CA13: variants seen among roughly 807,000 people sequenced by gnomAD.
CA13 encodes carbonic anhydrase 13.
A neutral mutation model predicts 31.5 loss-of-function variants in CA13; 21 were observed. The ratio of observed to expected loss-of-function variants is 0.67; its 90% CI spans 0.47 to 0.96. The LOEUF is 0.96. Ranked by LOEUF, CA13 falls within the 40% of genes least tolerant of loss-of-function variation. The probability of loss-of-function intolerance (pLI) is 0.00; values close to 1 mark genes in which losing one functional copy is unlikely to be tolerated. For synonymous variants in CA13, 117 were observed against 111.4 expected, an observed-to-expected ratio of 1.05 and a Z score of -0.32; for missense variants, 315 against 318.9, an observed-to-expected ratio of 0.99 and a Z score of 0.09.
chr8:85,253,026 A>T (rs946537087), intron 2 of CA13, among the ~76,000 whole-genome samples: 3 of 151,498 alleles, frequency 2.0e-5, no homozygotes, highest in Non-Finnish European at 4.4e-5. Flanking sequence ...GCTCACCGCA[A>T]CCTCTGCCTT....
intron 6 of CA13, 52 bp from the exon 7 acceptor site, chr8:85,281,178 T>G: frequency 7.5e-6 from 12 of 1,593,730 alleles, no homozygotes; most frequent in Middle Eastern, 3.3e-4. Flanking sequence ...GGTAATTCAT[T>G]AATATTGGTG....
chr8:85,267,936 C>T lies in CA13; in HGVS notation c.485C>T (p.Thr162Ile), dbSNP rs781517647. 48 of 1,595,980 alleles carry T rather than the reference C, an allele frequency of 3.0e-5. No individual in the cohort carries two copies. Among genetic ancestry groups the T allele is most frequent in the Middle Eastern group, 1.7e-4 (1 of 6,040 alleles). Residue 162 changes from threonine (T) to isoleucine (I), a missense_variant, in exon 5 of 7, where the codon ACT becomes ATT. Thr to Ile is a moderately conservative substitution (Grantham distance 89, BLOSUM62 -1). Transcript: ENST00000321764. The part of the protein sequence containing the change: ...GEPNSQLQKI[T>I]DTLDSIKEKG... ...CCTAATTCCCAACTGCAAAAGATTA[C>T]TGACACTTTGGATTCCATTAAAGAA...
chr8:85,259,192 G>A (rs1807344343), intron 2 of CA13, among the ~76,000 whole-genome samples: 2 of 152,024 alleles, frequency 1.3e-5, no homozygotes, highest in East Asian at 1.9e-4. Flanking sequence ...GATTTCCCAG[G>A]TGTTCCATAA....
chr8:85,264,332 G>A (rs1395060793), intron 3 of CA13, among the ~76,000 whole-genome samples: 1 of 152,176 alleles, frequency 6.6e-6, no homozygotes, highest in Middle Eastern at 3.2e-3. Flanking sequence ...TTAGAAATTA[G>A]TTGCCAGTAG....
At chr8:85,256,164 G>A (rs926199629) in intron 2 of CA13, among the ~76,000 whole-genome samples, 7 of 151,946 alleles carry the variant, frequency 4.6e-5, no homozygotes, top group Non-Finnish European at 8.8e-5. Context: ...AATATTTGCC[G>A]TTTAACACTT....
intron 3 of CA13, among the ~76,000 whole-genome samples, chr8:85,262,779 G>A (rs926886364): frequency 6.6e-6 from 1 of 152,152 alleles, no homozygotes; most frequent in Non-Finnish European, 1.5e-5. Context: ...TGAGAGTGCA[G>A]GTAGAGGCTG....
chr8:85,245,935 G>T (rs1813718785), intron 1 of CA13, 70 bp downstream of exon 1: 19 of 1,567,288 alleles, frequency 1.2e-5, no homozygotes, highest in Non-Finnish European at 1.7e-5. Context: ...ACGCCCCGGC[G>T]CTCGCTGACC....
At chr8:85,269,076 G>C (rs1256927435) in intron 6 of CA13, among the ~76,000 whole-genome samples, 1 of 152,182 alleles carries the variant, frequency 6.6e-6, no homozygotes, top group African/African-American at 2.4e-5. Flanking sequence ...AGTGAAACTT[G>C]AGGACAGTGA....
intron 2 of CA13, among the ~76,000 whole-genome samples, chr8:85,258,186 C>T (rs966059754): frequency 5.9e-5 from 9 of 151,760 alleles, no homozygotes; most frequent in Non-Finnish European, 4.4e-5. Flanking sequence ...AATTTAATAA[C>T]GCTTATGGTA....
intron 2 of CA13, among the ~76,000 whole-genome samples, chr8:85,258,626 A>G (rs1807333820): frequency 6.6e-6 from 1 of 151,850 alleles, no homozygotes; most frequent in Admixed American, 6.6e-5. Flanking sequence ...TTACACTTGG[A>G]AGATAAAGCT....
Position 85,281,687 on chromosome 8 carries a change from A to T in CA13, c.*338A>T, listed in dbSNP as rs908024409. 7.3e-5 allele frequency: 13 copies of T among 177,710 alleles called. No homozygotes were observed. The highest frequency in any genetic ancestry group is 1.7e-4 in the South Asian group (1 of 5,740). 11.0% of individuals were successfully genotyped at this position (177,710 alleles called of 1,614,324 possible). A position where few individuals can be genotyped will look rare whatever the true frequency, so the allele number is the denominator to read the frequency against. On this transcript the variant is annotated 3_prime_UTR_variant, in exon 7 of 7. Transcript: ENST00000321764. ...ACAAGCATGCCTGGCTAATTTTTAA[A>T]TTTTTTTTTTTTAAGAAATAGGGTC...
At chr8:85,272,280 G>A (rs994684531) in intron 6 of CA13, among the ~76,000 whole-genome samples, 11 of 151,974 alleles carry the variant, frequency 7.2e-5, no homozygotes, top group African/African-American at 2.7e-4. Flanking sequence ...TCCTGAGACA[G>A]AGTCTGGCTC....
rs545319391 is a variant in CA13, at chr8:85,268,456, C to A, written c.514-16C>A. Reference sequence around the variant, plus strand: ...TATCCCATTGTAATTTGTGGGAATTCTTTTTGATCCTCCAGGGTAAACAAA... The same window carrying A: ...TATCCCATTGTAATTTGTGGGAATTATTTTTGATCCTCCAGGGTAAACAAA... On this transcript the variant is annotated splice_polypyrimidine_tract_variant and intron_variant, in intron 5 of 6. Transcript: ENST00000321764. 4.0e-5 allele frequency: 64 copies of A among 1,613,508 alleles called. No individual in the cohort carries two copies. The African/African-American group carries it at 5.5e-4, about 14-fold the overall frequency.
chr8:85,277,961 A>G (rs1807639562), intron 6 of CA13, among the ~76,000 whole-genome samples: 2 of 152,158 alleles, frequency 1.3e-5, no homozygotes, highest in South Asian at 4.2e-4. Flanking sequence ...GGAGGGAGGA[A>G]GTTATTCATT....
At position 85,245,747 on chromosome 8, in the gene CA13, G is replaced by T; in HGVS notation, c.-82G>T. 2.0e-6 allele frequency: 3 copies of T among 1,526,336 alleles called. No individual in the cohort carries two copies. The highest frequency in any genetic ancestry group is 1.8e-6 in the Non-Finnish European group (2 of 1,102,176). 94.5% of individuals were successfully genotyped at this position (1,526,336 alleles called of 1,614,324 possible). A position where few individuals can be genotyped will look rare whatever the true frequency, so the allele number is the denominator to read the frequency against. ...GCGCCCCGCGGTCCCGCCCTAGCAG[G>T]CTCCTTCCCGGGCCCCTCCCCGCTC... On this transcript the variant is annotated 5_prime_UTR_variant, in exon 1 of 7. Transcript: ENST00000321764.
Position 85,282,321 on chromosome 8 carries a change from G to A in CA13, c.*972G>A, listed in dbSNP as rs1158091978. On this transcript the variant is annotated 3_prime_UTR_variant, in exon 7 of 7. Coordinates refer to ENST00000321764, the MANE Select transcript of CA13 (RefSeq NM_198584.3). Reference sequence around the variant, plus strand: ...TATAAATGGCTATTTACACTGTAATGAATTATACCATATATGATATTCACT... The same window carrying A: ...TATAAATGGCTATTTACACTGTAATAAATTATACCATATATGATATTCACT... 1 of 152,604 alleles carries A rather than the reference G, an allele frequency of 6.6e-6. No individual in the cohort carries two copies. The highest frequency in any genetic ancestry group is 1.5e-5 in the Non-Finnish European group (1 of 68,038). The allele number at this position is 152,604 out of a possible 1,614,324, so 9.5% of individuals were successfully genotyped here.
At chr8:85,268,675 G>T in intron 6 of CA13, 48 bp downstream of exon 6, 1 of 1,415,372 alleles carries the variant, frequency 7.1e-7, no homozygotes, top group Non-Finnish European at 9.3e-7. Context: ...GAGGAAACTG[G>T]GCTTTTTTTT....
intron 1 of CA13, among the ~76,000 whole-genome samples, chr8:85,247,241 C>T (rs185870378): frequency 2.0e-5 from 3 of 152,062 alleles, no homozygotes; most frequent in Admixed American, 2.0e-4. Flanking sequence ...GTCATTGAAT[C>T]CCAACTGCGC....
intron 6 of CA13, 53 bp from the exon 7 acceptor site, chr8:85,281,177 T>G (rs1024783000): frequency 6.3e-7 from 1 of 1,593,190 alleles, no homozygotes; most frequent in Non-Finnish European, 8.6e-7. Flanking sequence ...GGGTAATTCA[T>G]TAATATTGGT....
Sources: gnomAD v4.1 joint callset for allele counts (sites outside exome capture counted in the v4.1 genomes callset) on GRCh38, gnomAD v4.1.1 for gene constraint, MANE v1.5 for transcripts, NCBI Gene and HGNC (gene_info 2026-07-23, HGNC 2026-07-21) for gene names.